RAPGEF2: variants seen among roughly 807,000 people sequenced by gnomAD.
The protein encoded by RAPGEF2 is PDZ domain containing guanine nucleotide exchange factor (GEF) 1.
In RAPGEF2, 54 loss-of-function variants were observed where a neutral mutation model predicts 186.7. The observed-to-expected ratio is 0.29, with a 90% CI of 0.23 to 0.36. The LOEUF (loss-of-function observed/expected upper bound fraction) is 0.36. Ranked by LOEUF, RAPGEF2 falls within the 10% of genes least tolerant of loss-of-function variation. RAPGEF2 has a pLI of 1.00. For synonymous variants in RAPGEF2, 712 were observed against 705.9 expected, an observed-to-expected ratio of 1.01 and a Z score of -0.14; for missense variants, 1,532 against 2,045.0, an observed-to-expected ratio of 0.75 and a Z score of 4.84.
chr4:159,207,992 T>G (rs573577114), intron 3 of RAPGEF2, among the ~76,000 whole-genome samples: 1 of 152,264 alleles, frequency 6.6e-6, no homozygotes, highest in African/African-American at 2.4e-5. Flanking sequence ...AATTACTCTT[T>G]GAAGTACTTT....
At chr4:159,284,872 G>A (rs141146049) in intron 7 of RAPGEF2, among the ~76,000 whole-genome samples, 209 of 152,182 alleles carry the variant, frequency 1.4e-3, no homozygotes, top group African/African-American at 4.8e-3. Flanking sequence ...GGCAACATAG[G>A]GAGACTTTGT....
rs927888194 is a variant in RAPGEF2 at position 159,343,265 on chromosome 4, C to T, written c.3131-16C>T. On this transcript the variant is annotated splice_polypyrimidine_tract_variant and intron_variant, in intron 21 of 29. Coordinates refer to ENST00000691494, the MANE Select transcript of RAPGEF2 (RefSeq NM_001394067.2). ...AAATGCCATGTGATTTCCTTTTCCT[C>T]CTCTGTCAATTTCAGGAAATGACTC... The T allele has an allele frequency of 3.7e-6, 6 of 1,614,048 alleles. No homozygotes were observed. The highest frequency in any genetic ancestry group is 5.1e-6 in the Non-Finnish European group (6 of 1,179,932).
intron 13 of RAPGEF2, 60 bp from the exon 14 acceptor site, chr4:159,331,371 G>T (rs1030081478): frequency 1.0e-6 from 1 of 985,306 alleles, no homozygotes; most frequent in Non-Finnish European, 1.5e-6. Context: ...TTTCTGGAAT[G>T]ATTTTAATCA....
chr4:159,114,051 T>C lies in RAPGEF2; in HGVS notation c.69+9820T>C, dbSNP rs545468274. 3.3e-5 allele frequency among the ~76,000 whole-genome samples: 5 copies of C among 151,810 alleles called. No individual in the cohort carries two copies. The South Asian group carries it at 1.0e-3, about 32-fold the overall frequency. ...GGCTCACTGCAGCCTCGTCCTGGGC[T>C]CAAGGATCCTCGCACCTTAGGCTCC... On this transcript the variant is annotated intron_variant, in intron 1 of 29. Coordinates refer to ENST00000691494, the MANE Select transcript of RAPGEF2 (RefSeq NM_001394067.2).
chr4:159,251,317 G>A (rs956798508), intron 7 of RAPGEF2, among the ~76,000 whole-genome samples: 1 of 152,272 alleles, frequency 6.6e-6, no homozygotes, highest in Non-Finnish European at 1.5e-5. Context: ...GAGGAGTGCA[G>A]TGTGGGACTG....
chr4:159,273,195 C>T (rs189305669), intron 7 of RAPGEF2, among the ~76,000 whole-genome samples: 1 of 152,296 alleles, frequency 6.6e-6, no homozygotes, highest in East Asian at 1.9e-4. Context: ...TGATTTTCCA[C>T]TGTGCTTGCT....
intron 7 of RAPGEF2, among the ~76,000 whole-genome samples, chr4:159,244,050 T>TA (rs1055208692): frequency 2.6e-5 from 4 of 151,914 alleles, no homozygotes; most frequent in African/African-American, 4.8e-5. Context: ...ATGGAGCACT[T>TA]AAAAAAATGA....
chr4:159,130,390 G>A (rs1045171353), intron 1 of RAPGEF2, among the ~76,000 whole-genome samples: 8 of 152,150 alleles, frequency 5.3e-5, no homozygotes, highest in Middle Eastern at 3.2e-3. Flanking sequence ...TGACAACAGG[G>A]TCTTGCCCTG....
At chr4:159,262,414 T>C (rs1235217403) in intron 7 of RAPGEF2, among the ~76,000 whole-genome samples, 1 of 152,222 alleles carries the variant, frequency 6.6e-6, no homozygotes, top group African/African-American at 2.4e-5. Context: ...GGGGGCCTTG[T>C]TCTACAGCCT....
At chr4:159,297,311 C>T (rs925615731) in intron 7 of RAPGEF2, among the ~76,000 whole-genome samples, 7 of 152,260 alleles carry the variant, frequency 4.6e-5, no homozygotes, top group African/African-American at 1.2e-4. Flanking sequence ...CAGTGTGCTC[C>T]GTATGGCAGG....
At position 159,331,663 on chromosome 4, in the gene RAPGEF2, G is replaced by A; in HGVS notation, c.1609G>A (p.Ala537Thr). 2 of 1,614,054 alleles carry A rather than the reference G, an allele frequency of 1.2e-6. No homozygotes were observed. The highest frequency in any genetic ancestry group is 1.7e-6 in the Non-Finnish European group (2 of 1,179,986). Residue 537 changes from alanine to threonine, a missense_variant, in exon 15 of 30, where the codon GCG becomes ACG. Ala to Thr is a moderately conservative substitution (Grantham distance 58). This residue lies in a region of RAPGEF2 where 810 missense variants were observed against 1,210.5 expected (regional missense o/e 0.67). Coordinates refer to ENST00000691494, the MANE Select transcript of RAPGEF2 (RefSeq NM_001394067.2). ...MGGHLRLLNI[A>T]CAAKAKRRLM... ...TGGACACCTAAGGCTGTTGAATATC[G>A]CGTGTGCTGCTAAAGCAAAAAGAAG...
chr4:159,332,426 G>A lies in RAPGEF2; in HGVS notation c.1889-25G>A, dbSNP rs776793444. 14 of 1,596,776 alleles carry A rather than the reference G, an allele frequency of 8.8e-6. No individual in the cohort carries two copies. The East Asian group carries it at 3.1e-4, about 36-fold the overall frequency. ...GATATCTTATAATTGCCATTACGTG[G>A]TGTTTCTGTTTTCATTTATTTTAGT... On this transcript the variant is annotated intron_variant, in intron 16 of 29. Transcript: ENST00000691494.
At chr4:159,163,393 G>A (rs1744927788) in intron 1 of RAPGEF2, among the ~76,000 whole-genome samples, 1 of 152,064 alleles carries the variant, frequency 6.6e-6, no homozygotes, top group African/African-American at 2.4e-5. Flanking sequence ...TGTCTTGATG[G>A]AGAATTACTT....
intron 1 of RAPGEF2, among the ~76,000 whole-genome samples, chr4:159,152,194 C>T (rs1446439787): frequency 9.2e-5 from 14 of 151,644 alleles, no homozygotes; most frequent in Non-Finnish European, 1.2e-4. Context: ...TAGTGTTGCA[C>T]GCCTGTAGTC....
intron 1 of RAPGEF2, among the ~76,000 whole-genome samples, chr4:159,152,641 G>T (rs1743678282): frequency 2.6e-5 from 4 of 151,882 alleles, no homozygotes; most frequent in South Asian, 4.1e-4. Flanking sequence ...TTTTTTAGAT[G>T]GAATCTCGCT....
intron 2 of RAPGEF2, among the ~76,000 whole-genome samples, chr4:159,192,319 A>G (rs984565187): frequency 1.5e-4 from 23 of 152,308 alleles, no homozygotes; most frequent in Admixed American, 1.0e-3. Flanking sequence ...AAAAAGTACC[A>G]AAGAGAGCTG....
intron 7 of RAPGEF2, among the ~76,000 whole-genome samples, chr4:159,283,323 C>A (rs2110905885): frequency 6.6e-6 from 1 of 151,930 alleles, no homozygotes; most frequent in East Asian, 1.9e-4. Flanking sequence ...TTCTTTATTT[C>A]TTTTCCAAAA....
At chr4:159,336,669 T>C (rs901227068) in intron 17 of RAPGEF2, among the ~76,000 whole-genome samples, 3 of 152,104 alleles carry the variant, frequency 2.0e-5, no homozygotes, top group Admixed American at 6.6e-5. Context: ...TGTGAAATTG[T>C]CTCTAGTTTT....
intron 3 of RAPGEF2, among the ~76,000 whole-genome samples, chr4:159,209,849 A>G (rs576058306): frequency 6.6e-6 from 1 of 152,344 alleles, no homozygotes; most frequent in South Asian, 2.1e-4. Flanking sequence ...AATATTGAAA[A>G]CAATGGGAAA....
Sources: gnomAD v4.1 joint callset for allele counts (sites outside exome capture counted in the v4.1 genomes callset) on GRCh38, gnomAD v4.1.1 for gene constraint, gnomAD v4.1.1 regional missense constraint, MANE v1.5 for transcripts, NCBI Gene and HGNC (gene_info 2026-07-23, HGNC 2026-07-21) for gene names.